NDUFA5: variants seen among roughly 807,000 people sequenced by gnomAD.
NDUFA5 encodes NADH dehydrogenase [ubiquinone] 1 alpha subcomplex subunit 5.
Under a neutral mutation model 19.8 loss-of-function variants are expected in NDUFA5, and 11 were observed. That is an observed-to-expected ratio of 0.56 (90% CI 0.35 to 0.92). The LOEUF (loss-of-function observed/expected upper bound fraction) is 0.92, where lower values mean the gene tolerates loss of function less well. Ranked by LOEUF, NDUFA5 falls within the 40% of genes least tolerant of loss-of-function variation. NDUFA5 has a pLI of 0.01. For missense variants in NDUFA5, 109 were observed against 134.2 expected (o/e 0.81, Z 0.93); for synonymous variants, 47 against 46.8 (o/e 1.00, Z -0.01).
the NDUFA5 span, among the ~76,000 whole-genome samples, chr7:123,587,379 C>T: frequency 7.3e-5 from 11 of 150,722 alleles, no homozygotes; most frequent in Non-Finnish European, 1.5e-4. Flanking sequence ...CTACTAATTT[C>T]TGTAGGTTAA....
chr7:123,597,785 C>A, the NDUFA5 span, among the ~76,000 whole-genome samples: 2 of 152,092 alleles, frequency 1.3e-5, no homozygotes, highest in Admixed American at 6.5e-5. Flanking sequence ...GAGCTGAGAT[C>A]GCACCACTGC....
At chr7:123,566,177 T>A in the NDUFA5 span, among the ~76,000 whole-genome samples, 1 of 152,134 alleles carries the variant, frequency 6.6e-6, no homozygotes, top group African/African-American at 2.4e-5. Flanking sequence ...CACTGTTCAG[T>A]ACCACTAGCA....
At chr7:123,579,206 C>T in the NDUFA5 span, among the ~76,000 whole-genome samples, 6 of 152,092 alleles carry the variant, frequency 3.9e-5, no homozygotes, top group African/African-American at 1.4e-4. Flanking sequence ...CCAGCTGTAT[C>T]CATGTTGCTG....
chr7:123,550,795 A>T (rs1798310150), intron 2 of NDUFA5, among the ~76,000 whole-genome samples: 1 of 152,000 alleles, frequency 6.6e-6, no homozygotes, highest in African/African-American at 2.4e-5. Flanking sequence ...GTATATAAAC[A>T]TGGGAACATT....
At chr7:123,553,271 G>A (rs1234353477) in intron 2 of NDUFA5, among the ~76,000 whole-genome samples, 1 of 152,242 alleles carries the variant, frequency 6.6e-6, no homozygotes, top group African/African-American at 2.4e-5. Flanking sequence ...CATGGCTGGA[G>A]AGGCCTCACA....
the NDUFA5 span, among the ~76,000 whole-genome samples, chr7:123,590,099 T>C: frequency 6.6e-6 from 1 of 152,200 alleles, no homozygotes; most frequent in Non-Finnish European, 1.5e-5. Context: ...CATGTGTTTT[T>C]TGGCTGCATA....
chr7:123,545,734 C>T, intron 3 of NDUFA5, 58 bp from the exon 4 acceptor site: 1 of 1,103,276 alleles, frequency 9.1e-7, no homozygotes, highest in South Asian at 1.4e-5. Context: ...GTTTCAATAT[C>T]CTATATATTT....
At chr7:123,599,193 C>G in the NDUFA5 span, among the ~76,000 whole-genome samples, 2 of 152,088 alleles carry the variant, frequency 1.3e-5, no homozygotes, top group Non-Finnish European at 2.9e-5. Context: ...GAGAGATATA[C>G]ATGGGTATTG....
intron 2 of NDUFA5, chr7:123,551,316 C>G (rs1798330133): frequency 6.6e-6 from 1 of 151,958 alleles, no homozygotes; most frequent in Admixed American, 6.6e-5. Flanking sequence ...TCAAGTGATT[C>G]TCCTGCCTCA....
At chr7:123,584,152 C>T in the NDUFA5 span, among the ~76,000 whole-genome samples, 1 of 151,664 alleles carries the variant, frequency 6.6e-6, no homozygotes. Flanking sequence ...ATTAACCTGC[C>T]TACTTAACCT....
Position 123,541,238 on chromosome 7 carries a change from C to T in NDUFA5, c.*881G>A, listed in dbSNP as rs1239272290. 1 of 152,144 alleles carries T rather than the reference C, an allele frequency of 6.6e-6. No individual in the cohort carries two copies. The highest frequency in any genetic ancestry group is 2.4e-5 in the African/African-American group (1 of 41,438). 9.4% of individuals were successfully genotyped at this position (152,144 alleles called of 1,614,324 possible). ...CTATCCGTATGCCAGATATAAATTT[C>T]AGGAACTCTTAATGTCTCTTCTTTT... On this transcript the variant is annotated 3_prime_UTR_variant, in exon 5 of 5. Coordinates refer to ENST00000355749, the MANE Select transcript of NDUFA5 (RefSeq NM_005000.5).
At chr7:123,543,322 C>G (rs1266914397) in intron 4 of NDUFA5, among the ~76,000 whole-genome samples, 1 of 152,154 alleles carries the variant, frequency 6.6e-6, no homozygotes, top group Non-Finnish European at 1.5e-5. Context: ...AGAATCAGCC[C>G]TATCTCAGGA....
rs117480769 is a variant in NDUFA5 at position 123,545,531 on chromosome 7, T to A, written c.249+80A>T. The A allele has an allele frequency of 3.7e-4, 411 of 1,121,226 alleles. 5 individuals carry two copies. The East Asian group carries it at 9.6e-3, about 26-fold the overall frequency. The allele number at this position is 1,121,226 out of a possible 1,614,324, so 69.5% of individuals were successfully genotyped here. On this transcript the variant is annotated intron_variant, in intron 4 of 4. Transcript: ENST00000355749. ...TGACGAGTTGATATAAACAAGGAAA[T>A]TTAGTTTTCCTTTCATTCTAGAACG...
intron 3 of NDUFA5, among the ~76,000 whole-genome samples, chr7:123,549,662 C>G (rs1198007530): frequency 6.6e-6 from 1 of 152,162 alleles, no homozygotes; most frequent in Non-Finnish European, 1.5e-5. Context: ...CCTGTGGTCT[C>G]AGCTACTTGG....
intron 2 of NDUFA5, among the ~76,000 whole-genome samples, chr7:123,552,843 G>A (rs1264751711): frequency 2.6e-5 from 4 of 152,022 alleles, no homozygotes; most frequent in Admixed American, 2.6e-4. Context: ...GGTGTTATCA[G>A]TACTGCACAA....
At chr7:123,557,506 C>T (rs780598273) in intron 1 of NDUFA5, 58 bp from the exon 2 acceptor site, 3 of 1,612,508 alleles carry the variant, frequency 1.9e-6, no homozygotes, top group Non-Finnish European at 2.5e-6. Context: ...ACATCCAGCA[C>T]GCTAAGGAAA....
At chr7:123,588,538 CTTCT>C in the NDUFA5 span, among the ~76,000 whole-genome samples, 1 of 147,358 alleles carries the variant, frequency 6.8e-6, no homozygotes, top group African/African-American at 2.5e-5. Context: ...TCTTTCTTTC[CTTCT>C]TTTTCTTTCT....
At chr7:123,582,722 G>A in the NDUFA5 span, among the ~76,000 whole-genome samples, 1 of 151,896 alleles carries the variant, frequency 6.6e-6, no homozygotes, top group South Asian at 2.1e-4. Flanking sequence ...GCATACTCTT[G>A]GTCCCCTCCT....
chr7:123,542,362 TAATTA>T (rs1797972270), intron 4 of NDUFA5, 142 bp from the exon 5 acceptor site: 1 of 575,414 alleles, frequency 1.7e-6, no homozygotes, highest in African/African-American at 1.9e-5. Context: ...GAATATTAAG[TAATTA>T]AATTACCTTA....
Sources: allele counts gnomAD v4.1 joint callset (sites outside exome capture counted in the v4.1 genomes callset), GRCh38; gene constraint gnomAD v4.1.1; transcripts MANE v1.5; gene names NCBI Gene and HGNC (gene_info 2026-07-23, HGNC 2026-07-21).